The following FARP2 variants were observed in gnomAD, a reference collection of about 807,000 sequenced individuals.
FARP2 encodes the protein FERM, ARH/RhoGEF and pleckstrin domain protein 2, also known as FERM, ARHGEF and pleckstrin domain-containing protein 2.
In FARP2, 111 loss-of-function variants were observed where a neutral mutation model predicts 130.5. The ratio of observed to expected loss-of-function variants is 0.85; its 90% CI spans 0.73 to 1.00. The LOEUF is 1.00. Among genes scored for constraint, FARP2 ranks in the 50% least tolerant of loss-of-function variants. The pLI is 0.00. For missense variants in FARP2, 1,385 were observed against 1,346.3 expected (o/e 1.03, Z -0.45); for synonymous variants, 504 against 516.9 (o/e 0.98, Z 0.34).
intron 8 of FARP2, among the ~76,000 whole-genome samples, chr2:241,430,647 G>C (rs540900498): frequency 6.6e-6 from 1 of 152,240 alleles, no homozygotes; most frequent in Admixed American, 6.5e-5. Context: ...CTCCTTGCAG[G>C]AGTGAACTTC....
chr2:241,427,899 G>A (rs1481321938), intron 8 of FARP2, among the ~76,000 whole-genome samples: 1 of 151,926 alleles, frequency 6.6e-6, no homozygotes, highest in Non-Finnish European at 1.5e-5. Flanking sequence ...CCGAGTAGCT[G>A]GGACTTAGAG....
rs755476112 is a variant in FARP2, at chr2:241,462,537, C to T, written c.1602C>T (p.Asp534=). ...EEPRHKRVPA[D]EAYFIVKEIL... Reference sequence around the variant, plus strand: ...GCTTCTTTCAGCGCGTGCCTGCAGACGAGGCCTACTTCATAGTCAAAGAGA... The same window carrying T: ...GCTTCTTTCAGCGCGTGCCTGCAGATGAGGCCTACTTCATAGTCAAAGAGA... The change falls in exon 15 of 27, where the codon GAC becomes GAT. Residue 534 remains aspartate, a synonymous_variant. Transcript: ENST00000264042. 33 of 1,613,484 alleles carry T rather than the reference C, an allele frequency of 2.0e-5. 1 individual carries two copies. The highest frequency in any genetic ancestry group is 8.8e-5 in the South Asian group (8 of 91,082).
At position 241,456,843 on chromosome 2, in the gene FARP2, AG is replaced by A; in HGVS notation, c.1511del (p.Gly504AlafsTer6). On this transcript the variant is annotated frameshift_variant, in exon 14 of 27. Coordinates refer to ENST00000264042, the MANE Select transcript of FARP2 (RefSeq NM_014808.4). LOFTEE classifies it high-confidence loss of function. ...AFQVPLGPAEQGSSPLLSPVL... is the reference protein window; with the variant it reads ...AFQVPLGPAEXGSSPLLSPVL... The stretch of plus-strand genomic sequence containing the variant: ...CAGGTGCCTTTGGGCCCAGCTGAAC[AG>A]GGCTCATCCCCACTCCTGAGCCCTG... 6.2e-7 allele frequency: 1 copy of A among 1,613,994 alleles called. No homozygotes were observed. Among genetic ancestry groups the A allele is most frequent in the South Asian group, 1.1e-5 (1 of 91,080 alleles).
intron 19 of FARP2, chr2:241,478,495 C>A: frequency 3.2e-6 from 1 of 312,096 alleles, no homozygotes; most frequent in Non-Finnish European, 6.6e-6. Flanking sequence ...TGTGCCAGGA[C>A]CTGAAATACT....
In FARP2 at chr2:241,463,385, G is replaced by A. The variant is rs1180073987; in HGVS notation, c.1728G>A (p.Met576Ile). The A allele has an allele frequency of 1.9e-6, 3 of 1,614,134 alleles. No individual in the cohort carries two copies. Among genetic ancestry groups the A allele is most frequent in the South Asian group, 2.2e-5 (2 of 91,078 alleles). Reference protein sequence around the residue: ...VKEDAMPATLMTLLFSNIDPI... With the variant: ...VKEDAMPATLITLLFSNIDPI... ...AGGACGCCATGCCTGCGACTCTGAT[G>A]ACGCTGCTCTTCTCCAACATCGATC... Residue 576 changes from methionine to isoleucine, a missense_variant, in exon 16 of 27, where the codon ATG (methionine) becomes ATA (isoleucine). Met to Ile is a conservative substitution (Grantham distance 10). Coordinates refer to ENST00000264042, the MANE Select transcript of FARP2 (RefSeq NM_014808.4).
At chr2:241,454,430 C>T (rs2063778460) in intron 13 of FARP2, among the ~76,000 whole-genome samples, 1 of 152,226 alleles carries the variant, frequency 6.6e-6, no homozygotes, top group Non-Finnish European at 1.5e-5. Flanking sequence ...AGTAAATAGA[C>T]ACTAGTAGCT....
intron 5 of FARP2, among the ~76,000 whole-genome samples, chr2:241,409,564 A>G (rs1295116372): frequency 1.3e-5 from 2 of 152,190 alleles, no homozygotes; most frequent in African/African-American, 2.4e-5. Flanking sequence ...AAATAAGTAA[A>G]CAAAGATAAG....
At chr2:241,361,008 G>T (rs769932135) in intron 1 of FARP2, among the ~76,000 whole-genome samples, 3 of 146,552 alleles carry the variant, frequency 2.0e-5, no homozygotes, top group Non-Finnish European at 3.0e-5. Flanking sequence ...ATCCTGTTTC[G>T]CACAATTCCA....
chr2:241,369,523 G>C (rs375005181), intron 1 of FARP2, among the ~76,000 whole-genome samples: 3 of 151,848 alleles, frequency 2.0e-5, no homozygotes, highest in East Asian at 3.8e-4. Flanking sequence ...AGGGAGTACA[G>C]GTTAGTCTTG....
chr2:241,446,657 A>G (rs995857143), intron 13 of FARP2: 2 of 152,240 alleles, frequency 1.3e-5, no homozygotes, highest in African/African-American at 4.8e-5. Flanking sequence ...TATCAAAAAA[A>G]TTCATTGCTG....
chr2:241,405,798 A>G (rs1287960025), intron 4 of FARP2, among the ~76,000 whole-genome samples: 1 of 152,056 alleles, frequency 6.6e-6, no homozygotes, highest in African/African-American at 2.4e-5. Flanking sequence ...GCTAGGCGTG[A>G]TGGCGCATGC....
intron 4 of FARP2, 44 bp downstream of exon 4, chr2:241,404,885 G>A (rs762971225): frequency 6.9e-7 from 1 of 1,443,046 alleles, no homozygotes. Context: ...TGTTTAAGAT[G>A]TGTTGTCCTG....
chr2:241,448,479 C>T (rs1379966440), intron 13 of FARP2, among the ~76,000 whole-genome samples: 3 of 152,272 alleles, frequency 2.0e-5, no homozygotes, highest in African/African-American at 2.4e-5. Flanking sequence ...AGTTTGTTTT[C>T]GGGACCTTGC....
intron 14 of FARP2, among the ~76,000 whole-genome samples, chr2:241,461,156 A>G (rs2064006366): frequency 6.6e-6 from 1 of 152,114 alleles, no homozygotes. Flanking sequence ...CAGTCATGGC[A>G]GCTGGTCTTT....
chr2:241,458,100 G>C (rs966081294), intron 14 of FARP2, among the ~76,000 whole-genome samples: 5 of 152,142 alleles, frequency 3.3e-5, no homozygotes, highest in Non-Finnish European at 7.4e-5. Flanking sequence ...GTGGCCTCAG[G>C]GTGGCCTCCA....
At chr2:241,406,156 C>T (rs1023427505) in intron 4 of FARP2, among the ~76,000 whole-genome samples, 4 of 150,416 alleles carry the variant, frequency 2.7e-5, no homozygotes, top group Admixed American at 6.6e-5. Flanking sequence ...ATAAATTAGC[C>T]GGGTGTAGGG....
Position 241,462,024 on chromosome 2 carries a change from C to A in FARP2, c.1588-499C>A, listed in dbSNP as rs2055569. ...GAGATAGCCCTGCCAGCTATAGGAT[C>A]GCTCAGGGCTGGGCTGTCTCTAGCA... On this transcript the variant is annotated intron_variant, in intron 14 of 26. Transcript: ENST00000264042. Among the ~76,000 whole-genome samples the A allele has an allele frequency of 0.012, 1,835 of 152,270 alleles. 130 individuals are homozygous for A. In the East Asian group the frequency reaches 0.17, roughly 14 times the overall value.
In FARP2 at chr2:241,373,065, T is replaced by C; in HGVS notation, c.-24-19T>C. 1 of 1,258,026 alleles carries C rather than the reference T, an allele frequency of 7.9e-7. No individual in the cohort carries two copies. The allele number at this position is 1,258,026 out of a possible 1,614,324, so 77.9% of individuals were successfully genotyped here. A position where few individuals can be genotyped will look rare whatever the true frequency, so the allele number is the denominator to read the frequency against. ...AATGTGATAATTCCTTCATGTGGTT[T>C]TTTTTTTTTTCATTTTAGTGTTTTC... On this transcript the variant is annotated intron_variant, in intron 1 of 26. Coordinates refer to ENST00000264042, the MANE Select transcript of FARP2 (RefSeq NM_014808.4).
At position 241,493,990 on chromosome 2, in the gene FARP2, G is replaced by A. The variant is rs751554092; in HGVS notation, c.3048-18G>A. The A allele has an allele frequency of 3.7e-6, 5 of 1,363,086 alleles. No individual in the cohort carries two copies. The highest frequency in any genetic ancestry group is 3.8e-6 in the Non-Finnish European group (4 of 1,046,176). The allele number at this position is 1,363,086 out of a possible 1,614,324, so 84.4% of individuals were successfully genotyped here. ...GCACAAGATGGCTCACTGGTCTGAT[G>A]GCCGCCCTCTCCTCCAGGTGGATGG... is the stretch of plus-strand genomic sequence containing the variant. On this transcript the variant is annotated intron_variant, in intron 26 of 26. Coordinates refer to ENST00000264042, the MANE Select transcript of FARP2 (RefSeq NM_014808.4).
Sources: gnomAD v4.1 joint callset for allele counts (sites outside exome capture counted in the v4.1 genomes callset) on GRCh38, gnomAD v4.1.1 for gene constraint, MANE v1.5 for transcripts, NCBI Gene and HGNC (gene_info 2026-07-23, HGNC 2026-07-21) for gene names.